CBR4: variants seen among roughly 807,000 people sequenced by gnomAD.
CBR4 encodes 3-oxoacyl-[acyl-carrier-protein] reductase.
A neutral mutation model predicts 21.0 loss-of-function variants in CBR4; 22 were observed. The ratio of observed to expected loss-of-function variants is 1.05; its 90% CI spans 0.75 to 1.50. The LOEUF (loss-of-function observed/expected upper bound fraction) is 1.50. CBR4 is among the 40% of genes most tolerant of loss of function. The pLI is 0.00. For synonymous variants in CBR4, 100 were observed against 104.4 expected, an observed-to-expected ratio of 0.96 and a Z score of 0.26; for missense variants, 302 against 286.3, an observed-to-expected ratio of 1.05 and a Z score of -0.40.
At chr4:168,917,251 TA>T (rs1760364976) in intron 2 of CBR4, among the ~76,000 whole-genome samples, 1 of 151,766 alleles carries the variant, frequency 6.6e-6, no homozygotes, top group African/African-American at 2.4e-5. Context: ...GGTTTCACCA[TA>T]TTGGCCAGGC....
intron 4 of CBR4, among the ~76,000 whole-genome samples, chr4:168,997,968 A>G (rs1159183012): frequency 6.6e-6 from 1 of 152,204 alleles, no homozygotes; most frequent in Non-Finnish European, 1.5e-5. Flanking sequence ...TCTTAATATT[A>G]TATTTGTAGA....
chr4:168,929,048 C>A (rs1762874288), intron 2 of CBR4, among the ~76,000 whole-genome samples: 1 of 152,168 alleles, frequency 6.6e-6, no homozygotes, highest in Admixed American at 6.5e-5. Context: ...CTGCCTGCCA[C>A]AGCAATGTAC....
intron 2 of CBR4, among the ~76,000 whole-genome samples, chr4:168,905,314 AT>A (rs569538938): frequency 0.017 from 2,513 of 149,490 alleles, 61 homozygotes; most frequent in African/African-American, 0.043. Context: ...TGCCCGGCTA[AT>A]TTTTTTTTAT....
rs1405661749 is a variant in CBR4, at chr4:169,010,179, A to G, written c.-90T>C. On this transcript the variant is annotated 5_prime_UTR_variant, in exon 1 of 5. Transcript: ENST00000306193. ...GCTTTTAAACAACCGCGGTTCCAAA[A>G]AAAAAAAAAAGAAAAAAAAAGGCAA... is the stretch of plus-strand genomic sequence containing the variant. The G allele has an allele frequency of 1.8e-6, 2 of 1,125,134 alleles. No individual in the cohort carries two copies. Among genetic ancestry groups the G allele is most frequent in the Non-Finnish European group, 1.2e-6 (1 of 831,124 alleles). 69.7% of individuals were successfully genotyped at this position (1,125,134 alleles called of 1,614,324 possible).
intron 2 of CBR4, among the ~76,000 whole-genome samples, chr4:168,909,943 A>G (rs915050961): frequency 6.6e-6 from 1 of 152,178 alleles, no homozygotes; most frequent in African/African-American, 2.4e-5. Context: ...CTGGTTATGT[A>G]TTGGTTAGTA....
intron 2 of CBR4, among the ~76,000 whole-genome samples, chr4:168,957,427 A>T (rs1368937807): frequency 6.6e-6 from 1 of 151,964 alleles, no homozygotes; most frequent in Non-Finnish European, 1.5e-5. Flanking sequence ...TTGTTTCCTC[A>T]ACCAAAATTC....
intron 2 of CBR4, chr4:168,924,157 A>G (rs1762130427): frequency 9.4e-7 from 1 of 1,064,466 alleles, no homozygotes; most frequent in East Asian, 2.4e-5. Flanking sequence ...ATGGTATCAT[A>G]AAAGATCTAT....
intron 2 of CBR4, among the ~76,000 whole-genome samples, chr4:168,979,047 A>C (rs1041742716): frequency 6.6e-6 from 1 of 152,122 alleles, no homozygotes; most frequent in African/African-American, 2.4e-5. Context: ...TTGAGCCTCC[A>C]GCACAGCATA....
At position 168,987,937 on chromosome 4, in the gene CBR4, G is replaced by A; in HGVS notation, c.*2213C>T. ...CCATGCAAAAAAAAATTAATACATT[G>A]GCTTTACCTATAAACCTTATTTTGT... On this transcript the variant is annotated 3_prime_UTR_variant, in exon 5 of 5. Transcript: ENST00000306193. 2 of 984,700 alleles carry A rather than the reference G, an allele frequency of 2.0e-6. No individual in the cohort carries two copies. The highest frequency in any genetic ancestry group is 2.4e-6 in the Non-Finnish European group (2 of 829,426). 61.0% of individuals were successfully genotyped at this position (984,700 alleles called of 1,614,324 possible).
At chr4:168,931,522 G>A (rs1560950397) in intron 2 of CBR4, among the ~76,000 whole-genome samples, 1 of 151,872 alleles carries the variant, frequency 6.6e-6, no homozygotes, top group East Asian at 1.9e-4. Flanking sequence ...AGCCCCATGG[G>A]GTCAACCCCC....
At position 168,921,477 on chromosome 4, in the gene CBR4, C is replaced by T. The variant is rs117588152; in HGVS notation, n.170-26712G>A. 1.8e-3 allele frequency: 2,155 copies of T among 1,167,516 alleles called. 32 individuals are homozygous for T. The East Asian group carries it at 0.041, about 22-fold the overall frequency. The allele number at this position is 1,167,516 out of a possible 1,614,324, so 72.3% of individuals were successfully genotyped here. A position where few individuals can be genotyped will look rare whatever the true frequency, so the allele number is the denominator to read the frequency against. ...GAATTTATGCAGACTTCTTAGCTAC[C>T]AGTGATTTCACTCTGTTTTAATACA... is the stretch of plus-strand genomic sequence containing the variant. On this transcript the variant is annotated intron_variant and non_coding_transcript_variant, in intron 2 of 3. Transcript: ENST00000509108.
At chr4:168,907,115 G>A (rs1173731871) in intron 2 of CBR4, among the ~76,000 whole-genome samples, 2 of 151,694 alleles carry the variant, frequency 1.3e-5, no homozygotes, top group Non-Finnish European at 2.9e-5. Context: ...CTCGTAAAAT[G>A]AGGATGATAA....
chr4:168,979,511 T>C (rs914799140), intron 2 of CBR4, among the ~76,000 whole-genome samples: 4 of 151,594 alleles, frequency 2.6e-5, no homozygotes, highest in African/African-American at 9.7e-5. Context: ...CAGCTCTGTG[T>C]TTGCCTGGTG....
Position 168,972,280 on chromosome 4 carries a change from C to G in CBR4, n.169+29791G>C, listed in dbSNP as rs149039194. Among the ~76,000 whole-genome samples, 235 of 152,214 alleles carry G rather than the reference C, an allele frequency of 1.5e-3. 2 individuals are homozygous for G. The highest frequency in any genetic ancestry group is 2.8e-3 in the Non-Finnish European group (191 of 67,990). ...CTATGCAGGCTCTTTTTCGGTTCCACATGAATTTTAGGATTGCTTTTTCTA... is the reference window on the plus strand; with the variant it reads ...CTATGCAGGCTCTTTTTCGGTTCCAGATGAATTTTAGGATTGCTTTTTCTA... On this transcript the variant is annotated intron_variant and non_coding_transcript_variant, in intron 2 of 3. Transcript: ENST00000509108.
At position 168,925,017 on chromosome 4, in the gene CBR4, T is replaced by C. The variant is rs114593924; in HGVS notation, n.170-30252A>G. 3.0e-3 allele frequency: 4,886 copies of C among 1,614,102 alleles called. 97 individuals carry two copies. Among genetic ancestry groups the C allele is most frequent in the East Asian group, 2.3e-3 (105 of 44,872 alleles). On this transcript the variant is annotated intron_variant and non_coding_transcript_variant, in intron 2 of 3. Transcript: ENST00000509108. The stretch of plus-strand genomic sequence containing the variant: ...CCACAAAAGAAGATGCTGGGTGGTA[T>C]ACTGTGTCAGCCAAGAATGAAGCAG...
intron 2 of CBR4, among the ~76,000 whole-genome samples, chr4:168,905,894 G>A (rs142194107): frequency 6.6e-6 from 1 of 150,558 alleles, no homozygotes; most frequent in African/African-American, 2.4e-5. Flanking sequence ...CCACCTCCTG[G>A]GTTCAAGCAA....
At chr4:168,926,533 T>G in intron 2 of CBR4, 2 of 600,354 alleles carry the variant, frequency 3.3e-6, no homozygotes, top group Non-Finnish European at 2.8e-6. Context: ...TCTTACTTGA[T>G]ATACCAAACT....
intron 2 of CBR4, among the ~76,000 whole-genome samples, chr4:168,970,290 A>G (rs1764167022): frequency 6.6e-6 from 1 of 151,980 alleles, no homozygotes; most frequent in African/African-American, 2.4e-5. Flanking sequence ...TTCCCGCCAC[A>G]CCCCAGAATC....
intron 2 of CBR4, among the ~76,000 whole-genome samples, chr4:168,908,192 T>C (rs1247421109): frequency 1.3e-5 from 2 of 152,232 alleles, no homozygotes; most frequent in Admixed American, 1.3e-4. Context: ...CTTGGGGGCT[T>C]CAGTAACTGG....
Sources: allele counts gnomAD v4.1 joint callset (sites outside exome capture counted in the v4.1 genomes callset), GRCh38; gene constraint gnomAD v4.1.1; transcripts MANE v1.5; gene names NCBI Gene and HGNC (gene_info 2026-07-23, HGNC 2026-07-21).